The following ZMYM4 variants were observed in gnomAD, a reference collection of about 807,000 sequenced individuals.
ZMYM4 encodes zinc finger MYM-type protein 4.
A neutral mutation model predicts 183.2 loss-of-function variants in ZMYM4; 31 were observed. The ratio of observed to expected loss-of-function variants is 0.17; its 90% CI spans 0.13 to 0.23. The LOEUF (loss-of-function observed/expected upper bound fraction) is 0.23. Ranked by LOEUF, ZMYM4 falls within the 10% of genes least tolerant of loss-of-function variation. The pLI is 1.00. For synonymous variants in ZMYM4, 592 were observed against 631.2 expected (o/e 0.94, Z 0.93); for missense variants, 1,273 against 1,840.3 (o/e 0.69, Z 5.64).
chr1:35,416,619 A>G (rs1310878313), intron 28 of ZMYM4, among the ~76,000 whole-genome samples: 2 of 152,110 alleles, frequency 1.3e-5, no homozygotes, highest in African/African-American at 2.4e-5. Context: ...GTTGGAGTGC[A>G]GTGGTGTGAT....
intron 3 of ZMYM4, among the ~76,000 whole-genome samples, chr1:35,360,464 C>G (rs1240874412): frequency 6.6e-6 from 1 of 152,048 alleles, no homozygotes; most frequent in East Asian, 1.9e-4. Flanking sequence ...AAAGAACAAA[C>G]CAGTATTGTT....
chr1:35,372,719 C>G (rs1644241678), intron 7 of ZMYM4, among the ~76,000 whole-genome samples: 1 of 152,084 alleles, frequency 6.6e-6, no homozygotes, highest in Non-Finnish European at 1.5e-5. Context: ...TATCTACTAA[C>G]TGATTGAGCA....
intron 1 of ZMYM4, among the ~76,000 whole-genome samples, chr1:35,280,260 TTCTC>T (rs140943218): frequency 1.0e-3 from 132 of 129,214 alleles, no homozygotes; most frequent in African/African-American, 2.8e-3. Flanking sequence ...CTTTCTCTCT[TTCTC>T]TCTCTCTCTC....
At chr1:35,374,436 GTTTC>G (rs544995599) in intron 7 of ZMYM4, among the ~76,000 whole-genome samples, 3 of 151,856 alleles carry the variant, frequency 2.0e-5, no homozygotes, top group Non-Finnish European at 4.4e-5. Context: ...ATAACTTCAT[GTTTC>G]TTTATTTAAT....
chr1:35,359,655 A>G (rs1370051563), intron 3 of ZMYM4, among the ~76,000 whole-genome samples: 2 of 151,998 alleles, frequency 1.3e-5, no homozygotes, highest in Non-Finnish European at 2.9e-5. Flanking sequence ...AAATAGCTCT[A>G]AACCTCATTT....
At chr1:35,400,712 A>G (rs1464106209) in intron 23 of ZMYM4, among the ~76,000 whole-genome samples, 1 of 152,220 alleles carries the variant, frequency 6.6e-6, no homozygotes, top group Non-Finnish European at 1.5e-5. Flanking sequence ...TTCCCACCAC[A>G]ATCATGAACA....
At chr1:35,351,002 T>C in intron 2 of ZMYM4, 2 of 856,164 alleles carry the variant, frequency 2.3e-6, no homozygotes, top group Non-Finnish European at 3.7e-6. Context: ...TGACAAATTA[T>C]GCTGCAGCGC....
intron 2 of ZMYM4, among the ~76,000 whole-genome samples, chr1:35,345,540 C>T (rs767777169): frequency 2.0e-5 from 3 of 151,864 alleles, no homozygotes; most frequent in Non-Finnish European, 4.4e-5. Context: ...CTGCCATCTC[C>T]GTCTCCCGGG....
intron 5 of ZMYM4, among the ~76,000 whole-genome samples, chr1:35,366,750 G>A (rs549573672): frequency 6.6e-5 from 10 of 152,190 alleles, no homozygotes; most frequent in Admixed American, 2.6e-4. Context: ...GGTGGCTCAC[G>A]CCTGTAATCC....
At chr1:35,335,691 C>T (rs1409442349) in intron 2 of ZMYM4, among the ~76,000 whole-genome samples, 1 of 152,128 alleles carries the variant, frequency 6.6e-6, no homozygotes, top group African/African-American at 2.4e-5. Context: ...AGTGGCTCAA[C>T]ACCTGTAATC....
intron 7 of ZMYM4, 90 bp downstream of exon 7, chr1:35,370,717 AC>A (rs1644186471): frequency 1.1e-6 from 1 of 934,540 alleles, no homozygotes; most frequent in Admixed American, 4.5e-5. Flanking sequence ...TTGATATTCT[AC>A]ATTTATTCCT....
chr1:35,305,871 T>G (rs1206033429), intron 1 of ZMYM4, among the ~76,000 whole-genome samples: 1 of 152,176 alleles, frequency 6.6e-6, no homozygotes, highest in Non-Finnish European at 1.5e-5. Flanking sequence ...TTAGGCCTCC[T>G]ATATCTGAGA....
intron 2 of ZMYM4, chr1:35,351,648 T>C: frequency 1.7e-6 from 1 of 577,412 alleles, no homozygotes; most frequent in Non-Finnish European, 3.1e-6. Context: ...ATAAAGACAA[T>C]AAACTGATGG....
At chr1:35,351,451 C>A in intron 2 of ZMYM4, 1 of 1,573,744 alleles carries the variant, frequency 6.4e-7, no homozygotes, top group Non-Finnish European at 8.7e-7. Flanking sequence ...AAAGCTCATG[C>A]TGCTATACGA....
At chr1:35,393,464 T>G in intron 17 of ZMYM4, 131 bp from the exon 18 acceptor site, 1 of 766,764 alleles carries the variant, frequency 1.3e-6, no homozygotes, top group South Asian at 2.7e-5. Flanking sequence ...CTTATACATT[T>G]GGTTGAATAT....
At chr1:35,418,287 C>T (rs911313668) in intron 28 of ZMYM4, among the ~76,000 whole-genome samples, 156 bp from the exon 29 acceptor site, 5 of 152,146 alleles carry the variant, frequency 3.3e-5, no homozygotes, top group Admixed American at 2.6e-4. Flanking sequence ...ATGTCTGGCA[C>T]CTTCATAGGC....
chr1:35,348,359 C>T (rs573485287), intron 2 of ZMYM4, among the ~76,000 whole-genome samples: 111 of 152,284 alleles, frequency 7.3e-4, no homozygotes, highest in African/African-American at 2.5e-3. Flanking sequence ...GAGACATATA[C>T]ATGTGTATTT....
intron 2 of ZMYM4, among the ~76,000 whole-genome samples, chr1:35,348,800 CAT>C (rs978066008): frequency 1.3e-5 from 2 of 152,158 alleles, no homozygotes; most frequent in African/African-American, 2.4e-5. Flanking sequence ...TATAAGTTAA[CAT>C]GTACATTTTT....
intron 29 of ZMYM4, 151 bp from the exon 30 acceptor site, chr1:35,419,319 A>T: frequency 1.4e-6 from 1 of 712,820 alleles, no homozygotes; most frequent in Non-Finnish European, 2.3e-6. Context: ...GAGCCATATT[A>T]GGTTGGTGCA....
Sources: gnomAD v4.1 joint callset for allele counts (sites outside exome capture counted in the v4.1 genomes callset) on GRCh38, gnomAD v4.1.1 for gene constraint, MANE v1.5 for transcripts, NCBI Gene and HGNC (gene_info 2026-07-23, HGNC 2026-07-21) for gene names.